GNAL: variants seen among roughly 807,000 people sequenced by gnomAD.
The protein encoded by GNAL is G protein subunit alpha L.
A neutral mutation model predicts 55.1 loss-of-function variants in GNAL; 18 were observed. The observed-to-expected ratio is 0.33, with a 90% CI of 0.23 to 0.48. The LOEUF (loss-of-function observed/expected upper bound fraction) is 0.48, where lower values mean the gene tolerates loss of function less well. Among genes scored for constraint, GNAL ranks in the 20% least tolerant of loss-of-function variants. The probability of loss-of-function intolerance (pLI) is 0.99; values close to 1 mark genes in which losing one functional copy is unlikely to be tolerated. For synonymous variants in GNAL, 253 were observed against 237.0 expected (o/e 1.07, Z -0.62); for missense variants, 412 against 614.1 (o/e 0.67, Z 3.48).
chr18:11,808,452 G>T (rs1270340008), intron 4 of GNAL, among the ~76,000 whole-genome samples: 1 of 152,204 alleles, frequency 6.6e-6, no homozygotes, highest in Non-Finnish European at 1.5e-5. Flanking sequence ...GCATTAGAAA[G>T]TTAGATAAGT....
At chr18:11,845,782 A>G (rs959891795) in intron 5 of GNAL, among the ~76,000 whole-genome samples, 15 of 148,904 alleles carry the variant, frequency 1.0e-4, no homozygotes, top group Non-Finnish European at 1.9e-4. Flanking sequence ...AGAGAGAGAG[A>G]GAGAGAAAGA....
chr18:11,812,781 T>G (rs965280287), intron 4 of GNAL, among the ~76,000 whole-genome samples: 1 of 150,062 alleles, frequency 6.7e-6, no homozygotes, highest in African/African-American at 2.5e-5. Flanking sequence ...GAGGCGGAGG[T>G]GTAGTGAGCC....
chr18:11,855,647 A>G lies in GNAL; in HGVS notation c.723-6748A>G, dbSNP rs998894108. ...TACAGGCAGACCATGAGGTTTGGACACTGTGTGCCCGCCCTGCTGTCTTTG... is the reference window on the plus strand; with the variant it reads ...TACAGGCAGACCATGAGGTTTGGACGCTGTGTGCCCGCCCTGCTGTCTTTG... On this transcript the variant is annotated intron_variant, in intron 5 of 11. Transcript: ENST00000334049. Among the ~76,000 whole-genome samples the G allele has an allele frequency of 2.0e-5, 3 of 152,264 alleles. No individual in the cohort carries two copies. In the South Asian group the frequency reaches 6.2e-4, roughly 32 times the overall value.
At chr18:11,839,032 T>C (rs946895913) in intron 5 of GNAL, among the ~76,000 whole-genome samples, 8 of 152,314 alleles carry the variant, frequency 5.3e-5, no homozygotes, top group African/African-American at 1.9e-4. Flanking sequence ...TTTCAATAGT[T>C]GAACCACATG....
chr18:11,877,280 C>T (rs1485578671), intron 11 of GNAL, among the ~76,000 whole-genome samples: 4 of 152,036 alleles, frequency 2.6e-5, no homozygotes, highest in African/African-American at 9.7e-5. Context: ...ATGGTGAAAC[C>T]CCATCTCTAC....
At chr18:11,876,321 G>A (rs72870429) in intron 10 of GNAL, among the ~76,000 whole-genome samples, 1 of 152,246 alleles carries the variant, frequency 6.6e-6, no homozygotes, top group South Asian at 2.1e-4. Flanking sequence ...AAATTAGCCA[G>A]TTGTGATGGC....
At chr18:11,844,550 A>G (rs1429123578) in intron 5 of GNAL, among the ~76,000 whole-genome samples, 1 of 152,254 alleles carries the variant, frequency 6.6e-6, no homozygotes, top group East Asian at 1.9e-4. Flanking sequence ...TAATTGAGAC[A>G]TGATGCTAAG....
At chr18:11,826,475 C>T (rs1217018969) in intron 5 of GNAL, among the ~76,000 whole-genome samples, 3 of 152,122 alleles carry the variant, frequency 2.0e-5, no homozygotes, top group Non-Finnish European at 4.4e-5. Flanking sequence ...GGCTGAAGAC[C>T]ACAGCAAGGA....
intron 5 of GNAL, among the ~76,000 whole-genome samples, chr18:11,827,545 G>A (rs1478037788): frequency 3.3e-5 from 5 of 152,116 alleles, no homozygotes; most frequent in Non-Finnish European, 7.4e-5. Context: ...CTTGGGAGGC[G>A]GAGGTGGCAG....
chr18:11,692,886 A>G (rs2031297451), intron 1 of GNAL, among the ~76,000 whole-genome samples: 1 of 152,140 alleles, frequency 6.6e-6, no homozygotes, highest in Non-Finnish European at 1.5e-5. Context: ...GCCTCAACTG[A>G]CCCACCCACG....
chr18:11,851,662 C>G (rs1461190700), intron 5 of GNAL: 1 of 1,613,902 alleles, frequency 6.2e-7, no homozygotes, highest in African/African-American at 1.3e-5. Context: ...TGCGAGGATA[C>G]ACGCCGAAAA....
chr18:11,698,697 G>A (rs1238848574), intron 1 of GNAL, among the ~76,000 whole-genome samples: 1 of 150,218 alleles, frequency 6.7e-6, no homozygotes, highest in Non-Finnish European at 1.5e-5. Context: ...AACAGCTGGG[G>A]TGATGACGGA....
At chr18:11,762,727 G>A (rs1408848328) in intron 4 of GNAL, among the ~76,000 whole-genome samples, 1 of 152,210 alleles carries the variant, frequency 6.6e-6, no homozygotes, top group Non-Finnish European at 1.5e-5. Flanking sequence ...CCATTCCACG[G>A]TTTTCTTTGG....
At chr18:11,697,130 G>A (rs2031436654) in intron 1 of GNAL, among the ~76,000 whole-genome samples, 1 of 152,250 alleles carries the variant, frequency 6.6e-6, no homozygotes, top group African/African-American at 2.4e-5. Flanking sequence ...GCCAGCCCCA[G>A]GTGAACACAG....
intron 5 of GNAL, among the ~76,000 whole-genome samples, chr18:11,841,379 C>A (rs1035705543): frequency 6.6e-6 from 1 of 151,936 alleles, no homozygotes; most frequent in Non-Finnish European, 1.5e-5. Context: ...GGGCCGGGCA[C>A]GGTGGCCTAT....
At position 11,883,174 on chromosome 18, in the gene GNAL, TAG is replaced by T. The variant is rs1411535993; in HGVS notation, c.*2041_*2042del. The T allele has an allele frequency of 6.6e-6, 1 of 152,118 alleles. No homozygotes were observed. Among genetic ancestry groups the T allele is most frequent in the African/African-American group, 2.4e-5 (1 of 41,392 alleles). 9.4% of individuals were successfully genotyped at this position (152,118 alleles called of 1,614,324 possible). A position where few individuals can be genotyped will look rare whatever the true frequency, so the allele number is the denominator to read the frequency against. On this transcript the variant is annotated 3_prime_UTR_variant, in exon 12 of 12. Coordinates refer to ENST00000334049, the MANE Select transcript of GNAL (RefSeq NM_182978.4). ...TTTTCATGAAGAAAGGATAACTTTA[TAG>T]ACAGTCAGTGCAACACACACATTTT...
intron 2 of GNAL, 146 bp from the exon 3 acceptor site, chr18:11,753,482 C>T (rs1000895521): frequency 2.1e-5 from 12 of 582,088 alleles, no homozygotes; most frequent in East Asian, 2.9e-5. Flanking sequence ...CAGATAAAAC[C>T]TTTGCGGATG....
intron 5 of GNAL, among the ~76,000 whole-genome samples, chr18:11,831,626 T>C (rs1330240847): frequency 6.6e-6 from 1 of 152,248 alleles, no homozygotes; most frequent in Non-Finnish European, 1.5e-5. Flanking sequence ...AGTATTCTGT[T>C]CTTGCCTTCA....
intron 1 of GNAL, among the ~76,000 whole-genome samples, chr18:11,711,622 T>C (rs1169121881): frequency 1.3e-5 from 2 of 152,246 alleles, no homozygotes; most frequent in African/African-American, 2.4e-5. Flanking sequence ...AGTTTTCTGA[T>C]TTCCCTCAGT....
Sources: allele counts gnomAD v4.1 joint callset (sites outside exome capture counted in the v4.1 genomes callset), GRCh38; gene constraint gnomAD v4.1.1; transcripts MANE v1.5; gene names NCBI Gene and HGNC (gene_info 2026-07-23, HGNC 2026-07-21).